Variants in ATR observed in about 807,000 individuals in gnomAD.
ATR encodes ATR checkpoint kinase, also known as serine/threonine-protein kinase ATR.
In ATR, 142 loss-of-function variants were observed where a neutral mutation model predicts 305.3. That is an observed-to-expected ratio of 0.47 (90% CI 0.41 to 0.53). The LOEUF (loss-of-function observed/expected upper bound fraction) is 0.53, where lower values mean the gene tolerates loss of function less well. ATR is among the 20% of genes least tolerant of loss of function. ATR has a pLI of 0.00. For synonymous variants in ATR, 1,050 were observed against 1,068.1 expected, an observed-to-expected ratio of 0.98 and a Z score of 0.33; for missense variants, 2,135 against 3,133.1, an observed-to-expected ratio of 0.68 and a Z score of 7.60.
Position 142,465,985 on chromosome 3 carries a change from G to A in ATR, c.6897+339C>T, listed in dbSNP as rs368872804. Among the ~76,000 whole-genome samples the A allele has an allele frequency of 2.3e-4, 35 of 149,874 alleles. No individual in the cohort carries two copies. The East Asian group carries it at 4.9e-3, about 21-fold the overall frequency. ...CGCACCACTGTATTCCACCCAACCC[G>A]GGCAACAGAATGAGACCCTGTTTCC... On this transcript the variant is annotated intron_variant, in intron 40 of 46. Transcript: ENST00000350721.
chr3:142,532,266 G>A (rs886362639), intron 21 of ATR, among the ~76,000 whole-genome samples: 1 of 151,968 alleles, frequency 6.6e-6, no homozygotes, highest in African/African-American at 2.4e-5. Flanking sequence ...ATTTTCAATA[G>A]CCTCTTCTCT....
intron 35 of ATR, among the ~76,000 whole-genome samples, chr3:142,487,836 AGTTTACTTTT>A (rs2031037244): frequency 6.6e-6 from 1 of 152,210 alleles, no homozygotes; most frequent in South Asian, 2.1e-4. Flanking sequence ...ATCTACCTCA[AGTTTACTTTT>A]GTTTATGGTG....
At chr3:142,507,673 C>T (rs980276348) in intron 28 of ATR, among the ~76,000 whole-genome samples, 2 of 152,158 alleles carry the variant, frequency 1.3e-5, no homozygotes, top group Non-Finnish European at 2.9e-5. Context: ...ACACCATCTC[C>T]AAGAAGCCAT....
intron 44 of ATR, 141 bp from the exon 45 acceptor site, chr3:142,457,896 G>A: frequency 1.1e-6 from 1 of 935,178 alleles, no homozygotes; most frequent in Non-Finnish European, 1.6e-6. Flanking sequence ...TTAGAAGTTT[G>A]TAACATGAAG....
chr3:142,459,489 T>C, intron 42 of ATR, 106 bp from the exon 43 acceptor site: 1 of 1,290,972 alleles, frequency 7.7e-7, no homozygotes, highest in Non-Finnish European at 1.1e-6. Context: ...ATTCAAATTG[T>C]TATTGAAAAA....
intron 36 of ATR, among the ~76,000 whole-genome samples, 197 bp from the exon 37 acceptor site, chr3:142,470,380 T>G (rs2071233235): frequency 6.6e-6 from 1 of 152,134 alleles, no homozygotes; most frequent in Non-Finnish European, 1.5e-5. Flanking sequence ...ACCAAAAACA[T>G]GTACATACTG....
intron 46 of ATR, chr3:142,451,634 C>A: frequency 8.0e-7 from 1 of 1,247,706 alleles, no homozygotes. Flanking sequence ...GGCTGGAGTG[C>A]AGTGGTGTCA....
In ATR at chr3:142,561,225, G is replaced by A. The variant is rs1401701694; in HGVS notation, c.1349+18C>T. The A allele has an allele frequency of 1.2e-6, 2 of 1,610,384 alleles. No homozygotes were observed. The highest frequency in any genetic ancestry group is 1.7e-6 in the Non-Finnish European group (2 of 1,176,740). The stretch of plus-strand genomic sequence containing the variant: ...TTTATTTAATGGCTAAATACAAACT[G>A]AATGAAGGTCATCATACTCCTCAGT... On this transcript the variant is annotated intron_variant, in intron 5 of 46. Transcript: ENST00000350721.
At chr3:142,566,361 G>A (rs2108495070) in intron 2 of ATR, 100 bp from the exon 3 acceptor site, 3 of 1,309,348 alleles carry the variant, frequency 2.3e-6, no homozygotes, top group Non-Finnish European at 3.2e-6. Context: ...CCTCACTCCT[G>A]TAACCCCTGT....
chr3:142,484,318 G>A (rs2030759961), intron 36 of ATR, among the ~76,000 whole-genome samples: 1 of 152,140 alleles, frequency 6.6e-6, no homozygotes, highest in African/African-American at 2.4e-5. Flanking sequence ...TTTCTACATG[G>A]TTGTCAATCA....
chr3:142,527,409 T>C (rs2033440633), intron 21 of ATR, among the ~76,000 whole-genome samples: 1 of 152,126 alleles, frequency 6.6e-6, no homozygotes, highest in African/African-American at 2.4e-5. Context: ...ACTAATCTTT[T>C]AAGCTTTCTA....
rs770657189 is a variant in ATR, at chr3:142,566,141, T to A, written c.272A>T (p.Glu91Val). ...CTTACCAATACAACTGCCTTTGGCC[T>A]CATGGCTTCCACTCACATTTACAAA... ...LMFVNVSGSH[E>V]AKGSCIEFSN... Residue 91 changes from glutamate to valine, a missense_variant, in exon 3 of 47, where the codon GAG becomes GTG. By Grantham distance (121) the Glu-to-Val change is moderately radical (BLOSUM62 -2). Coordinates refer to ENST00000350721, the MANE Select transcript of ATR (RefSeq NM_001184.4). 1 of 1,614,180 alleles carries A rather than the reference T, an allele frequency of 6.2e-7. No homozygotes were observed. Among genetic ancestry groups the A allele is most frequent in the Non-Finnish European group, 8.5e-7 (1 of 1,180,016 alleles).
At position 142,465,086 on chromosome 3, in the gene ATR, T is replaced by G; in HGVS notation, c.7041+11A>C. 7.0e-7 allele frequency: 1 copy of G among 1,424,532 alleles called. No homozygotes were observed. 88.2% of individuals were successfully genotyped at this position (1,424,532 alleles called of 1,614,324 possible). A position where few individuals can be genotyped will look rare whatever the true frequency, so the allele number is the denominator to read the frequency against. Reference sequence around the variant, plus strand: ...ATAAATAAATAAAATAAAAGCAAACTATCTCCCAACCTTATTAATCAAGGA... The same window carrying G: ...ATAAATAAATAAAATAAAAGCAAACGATCTCCCAACCTTATTAATCAAGGA... On this transcript the variant is annotated intron_variant, in intron 41 of 46. Transcript: ENST00000350721.
rs752843180 is a variant in ATR, at chr3:142,497,033, A to G, written c.5718T>C (p.Ala1906=). ...AKEPILALRR[A]LLSLNKRPDY... is the part of the protein sequence containing the mutation. ...GAAACCTTTTGTTGAGGCTTAGTAA[A>G]GCCCTCCGGAGAGCCAGGATAGGCT... The change falls in exon 33 of 47, where the codon GCT becomes GCC. Residue 1906 remains alanine, a synonymous_variant. Coordinates refer to ENST00000350721, the MANE Select transcript of ATR (RefSeq NM_001184.4). 2.5e-6 allele frequency: 4 copies of G among 1,612,768 alleles called. No homozygotes were observed. The East Asian group carries it at 8.9e-5, about 36-fold the overall frequency.
At chr3:142,514,113 C>A (rs1309311702) in intron 25 of ATR, among the ~76,000 whole-genome samples, 5 of 150,608 alleles carry the variant, frequency 3.3e-5, no homozygotes, top group African/African-American at 7.3e-5. Flanking sequence ...ACAAAAAAAA[C>A]ACACACAAAA....
chr3:142,532,748 A>C (rs2033709312), intron 21 of ATR, among the ~76,000 whole-genome samples: 2 of 152,298 alleles, frequency 1.3e-5, no homozygotes, highest in South Asian at 4.1e-4. Context: ...CTTCAGGTGT[A>C]TTTTTAAATA....
At chr3:142,503,082 C>T (rs1197314949) in intron 30 of ATR, among the ~76,000 whole-genome samples, 1 of 152,100 alleles carries the variant, frequency 6.6e-6, no homozygotes, top group East Asian at 1.9e-4. Flanking sequence ...CTTTGAGGCC[C>T]AGGAAGTCCC....
At chr3:142,449,741 G>T in intron 46 of ATR, 139 bp from the exon 47 acceptor site, 3 of 919,240 alleles carry the variant, frequency 3.3e-6, no homozygotes, top group East Asian at 2.6e-5. Context: ...TACAGGAAAA[G>T]AAGAAATTAA....
rs2031969405 is a variant in ATR, at chr3:142,501,601, CA to C, written c.5288+1760del. Among the ~76,000 whole-genome samples the C allele has an allele frequency of 2.6e-5, 4 of 152,226 alleles. No homozygotes were observed. The South Asian group carries it at 8.3e-4, about 32-fold the overall frequency. On this transcript the variant is annotated intron_variant, in intron 30 of 46. Coordinates refer to ENST00000350721, the MANE Select transcript of ATR (RefSeq NM_001184.4). ...ACAAACAACCCCATTAAAAAGTAGG[CA>C]AAGGACATGAGCAGACACTTCTCAA...
Sources: allele counts gnomAD v4.1 joint callset (sites outside exome capture counted in the v4.1 genomes callset), GRCh38; gene constraint gnomAD v4.1.1; transcripts MANE v1.5; gene names NCBI Gene and HGNC (gene_info 2026-07-23, HGNC 2026-07-21).